DHX57: variants seen among roughly 807,000 people sequenced by gnomAD.
The protein encoded by DHX57 is DExH-box helicase 57, also known as putative ATP-dependent RNA helicase DHX57.
DHX57 carries 105 observed loss-of-function variants against 156.2 expected under a neutral mutation model. The observed-to-expected ratio is 0.67, with a 90% confidence interval of 0.57 to 0.79. The LOEUF (loss-of-function observed/expected upper bound fraction) is 0.79, where lower values mean the gene tolerates loss of function less well. Among genes scored for constraint, DHX57 ranks in the 30% least tolerant of loss-of-function variants. The pLI is 0.00. For synonymous variants in DHX57, 704 were observed against 595.6 expected (o/e 1.18, Z -2.65); for missense variants, 1,847 against 1,661.9 (o/e 1.11, Z -1.94).
At chr2:38,838,890 A>G (rs970466760) in intron 12 of DHX57, 6 of 394,772 alleles carry the variant, frequency 1.5e-5, no homozygotes, top group African/African-American at 1.3e-4. Context: ...TAAACGATGT[A>G]GTTCTATAGG....
At chr2:38,836,231 T>C (rs1304548691) in intron 13 of DHX57, among the ~76,000 whole-genome samples, 2 of 152,166 alleles carry the variant, frequency 1.3e-5, no homozygotes, top group Admixed American at 1.3e-4. Flanking sequence ...AATTACAATA[T>C]GTTTCCTTAA....
Position 38,824,288 on chromosome 2 carries a change from G to A in DHX57, c.3015-1019C>T, listed in dbSNP as rs533178569. 8.5e-5 allele frequency among the ~76,000 whole-genome samples: 13 copies of A among 152,308 alleles called. No homozygotes were observed. In the South Asian group the frequency reaches 1.9e-3, roughly 22 times the overall value. ...AGACAAATGCTGGATGGTTCTACTT[G>A]TATGAGGTATCTAAAATAGTCAAAC... On this transcript the variant is annotated intron_variant, in intron 16 of 23. Coordinates refer to ENST00000457308, the MANE Select transcript of DHX57 (RefSeq NM_198963.3).
chr2:38,870,322 C>A (rs1014905150), intron 1 of DHX57, among the ~76,000 whole-genome samples: 3 of 152,186 alleles, frequency 2.0e-5, no homozygotes, highest in Admixed American at 2.0e-4. Flanking sequence ...TAGAAAACTT[C>A]TCTGATTCAT....
At chr2:38,809,903 TA>T (rs1670152223) in intron 21 of DHX57, among the ~76,000 whole-genome samples, 1 of 152,160 alleles carries the variant, frequency 6.6e-6, no homozygotes, top group Non-Finnish European at 1.5e-5. Context: ...TTTATTTATT[TA>T]TTTTTTTGAG....
intron 1 of DHX57, among the ~76,000 whole-genome samples, chr2:38,869,803 A>G (rs150542707): frequency 6.0e-4 from 92 of 152,362 alleles, no homozygotes; most frequent in African/African-American, 2.0e-3. Flanking sequence ...CATGCAAAGA[A>G]ACACTTAAGT....
rs367815336 is a variant in DHX57, at chr2:38,854,007, C to T, written c.2030+47G>A. 7.9e-6 allele frequency: 12 copies of T among 1,522,688 alleles called. No individual in the cohort carries two copies. The African/African-American group carries it at 1.4e-4, about 18-fold the overall frequency. The allele number at this position is 1,522,688 out of a possible 1,614,324, so 94.3% of individuals were successfully genotyped here. On this transcript the variant is annotated intron_variant, in intron 9 of 23. Coordinates refer to ENST00000457308, the MANE Select transcript of DHX57 (RefSeq NM_198963.3). ...TAGAAAACAATTTTTTCTGCCATGC[C>T]TTCAATTCAGGTGAGTGTGTGTTCC...
chr2:38,846,471 A>T (rs919480680), intron 11 of DHX57, among the ~76,000 whole-genome samples: 1 of 151,866 alleles, frequency 6.6e-6, no homozygotes, highest in African/African-American at 2.4e-5. Context: ...CCATTAAAAA[A>T]AATTAGGCAT....
chr2:38,825,151 T>G (rs1382253766), intron 16 of DHX57, among the ~76,000 whole-genome samples: 1 of 152,252 alleles, frequency 6.6e-6, no homozygotes, highest in African/African-American at 2.4e-5. Flanking sequence ...ACAGCTCCTT[T>G]TTAAGTTGCC....
In DHX57 at chr2:38,861,279, G is replaced by T. The variant is rs747659259; in HGVS notation, c.1131C>A (p.Thr377=). The change falls in exon 5 of 24, where the codon ACC becomes ACA. Residue 377 remains threonine (T), a synonymous_variant. Transcript: ENST00000457308. ...YQAPLVAFYS[T]NENLPLACRL... ...GACAAGCCAGAGGTAGGTTCTCATT[G>T]GTGGAATAAAATGCCACGAGCGGAG... The T allele has an allele frequency of 6.2e-7, 1 of 1,614,112 alleles. No homozygotes were observed. The highest frequency in any genetic ancestry group is 2.2e-5 in the East Asian group (1 of 44,882).
At chr2:38,818,189 A>T (rs1263455018) in intron 19 of DHX57, among the ~76,000 whole-genome samples, 2 of 152,176 alleles carry the variant, frequency 1.3e-5, no homozygotes, top group Non-Finnish European at 2.9e-5. Context: ...GTATAAGCAT[A>T]CAATTTTGTA....
chr2:38,839,675 C>G (rs1340206070), intron 12 of DHX57, among the ~76,000 whole-genome samples: 4 of 150,730 alleles, frequency 2.7e-5, no homozygotes, highest in Admixed American at 1.3e-4. Context: ...AAGCTGAGAT[C>G]GCGCTACTGC....
chr2:38,814,100 G>A (rs1670408756), intron 20 of DHX57, among the ~76,000 whole-genome samples: 1 of 152,086 alleles, frequency 6.6e-6, no homozygotes. Context: ...GCTATGCCCG[G>A]TTAATTTTTG....
At chr2:38,834,583 T>C (rs1415211300) in intron 13 of DHX57, among the ~76,000 whole-genome samples, 4 of 152,196 alleles carry the variant, frequency 2.6e-5, no homozygotes, top group African/African-American at 9.7e-5. Flanking sequence ...GTGGTTCTTG[T>C]GCATTTTTCA....
chr2:38,828,165 C>A (rs1345637499), intron 14 of DHX57, among the ~76,000 whole-genome samples, 175 bp downstream of exon 14: 8 of 152,106 alleles, frequency 5.3e-5, no homozygotes, highest in Non-Finnish European at 1.2e-4. Flanking sequence ...CAATATTTTT[C>A]TTTAATAAAA....
Position 38,856,440 on chromosome 2 carries a change from T to C in DHX57, c.1609A>G (p.Ile537Val). The C allele has an allele frequency of 3.7e-6, 6 of 1,613,464 alleles. No homozygotes were observed. The highest frequency in any genetic ancestry group is 5.1e-6 in the Non-Finnish European group (6 of 1,179,870). Residue 537 changes from isoleucine to valine, a missense_variant, in exon 7 of 24, where the codon ATT (isoleucine) becomes GTT (valine). Physicochemically the swap from Ile to Val is conservative, Grantham distance 29. Coordinates refer to ENST00000457308, the MANE Select transcript of DHX57 (RefSeq NM_198963.3). ...MKQASRQFQS[I>V]LQERQSLPAW... ...GGGAGTGATTGCCTCTCTTGCAGAA[T>C]GGACTGGAACTGTCTGGAAGCCTAA...
chr2:38,806,719 A>G (rs1354170314), intron 21 of DHX57, 26 bp from the exon 22 acceptor site: 4 of 1,604,892 alleles, frequency 2.5e-6, no homozygotes, highest in Non-Finnish European at 3.4e-6. Flanking sequence ...TTGTAAAAAT[A>G]GACATATAAT....
chr2:38,862,440 C>G, intron 3 of DHX57, 107 bp from the exon 4 acceptor site: 1 of 1,087,532 alleles, frequency 9.2e-7, no homozygotes, highest in East Asian at 2.8e-5. Context: ...GACTACTCTT[C>G]AGTTGCTGAT....
chr2:38,837,934 T>A lies in DHX57; in HGVS notation c.2439A>T (p.Ser813=). The change falls in exon 13 of 24, where the codon TCA becomes TCT. Residue 813 remains serine, a synonymous_variant. Coordinates refer to ENST00000457308, the MANE Select transcript of DHX57 (RefSeq NM_198963.3). ...LLARYKGVSK[S]VIKTMSIMDF... is the part of the protein sequence containing the mutation. ...CCATGATGGACATTGTTTTGATGAC[T>A]GACTTGCTAACCCCTGAAAGAAAGA... The A allele has an allele frequency of 1.2e-6, 2 of 1,610,430 alleles. No individual in the cohort carries two copies. The highest frequency in any genetic ancestry group is 1.7e-6 in the Non-Finnish European group (2 of 1,176,678).
In DHX57 at chr2:38,816,218, A is replaced by T. The variant is rs778172612; in HGVS notation, c.3472-563T>A. ...TAGGGACATCATTAAGTGATTCAAT[A>T]TTTTTTTTTTTTTTGAGACAGAGTC... On this transcript the variant is annotated intron_variant, in intron 19 of 23. Coordinates refer to ENST00000457308, the MANE Select transcript of DHX57 (RefSeq NM_198963.3). The T allele has an allele frequency of 7.5e-4, 331 of 440,670 alleles. 2 individuals carry two copies. Among genetic ancestry groups the T allele is most frequent in the Non-Finnish European group, 1.4e-3 (296 of 215,552 alleles). 27.3% of individuals were successfully genotyped at this position (440,670 alleles called of 1,614,324 possible). A position where few individuals can be genotyped will look rare whatever the true frequency, so the allele number is the denominator to read the frequency against.
Sources: gnomAD v4.1 joint callset for allele counts (sites outside exome capture counted in the v4.1 genomes callset) on GRCh38, gnomAD v4.1.1 for gene constraint, MANE v1.5 for transcripts, NCBI Gene and HGNC (gene_info 2026-07-23, HGNC 2026-07-21) for gene names.